Variants in COLEC11 observed in about 807,000 individuals in gnomAD.
The protein encoded by COLEC11 is collectin subfamily member 11, also known as collectin-11.
A neutral mutation model predicts 27.3 loss-of-function variants in COLEC11; 20 were observed. That is an observed-to-expected ratio of 0.73 (90% confidence interval 0.51 to 1.06). The LOEUF (loss-of-function observed/expected upper bound fraction) is 1.06. Ranked by LOEUF, COLEC11 falls within the 50% of genes least tolerant of loss-of-function variation. COLEC11 has a pLI of 0.00. For missense variants in COLEC11, 310 were observed against 383.0 expected (o/e 0.81, Z 1.59); for synonymous variants, 163 against 154.7 (o/e 1.05, Z -0.40).
At chr2:3,621,757 T>TA (rs1319348282) in intron 3 of COLEC11, among the ~76,000 whole-genome samples, 1 of 152,258 alleles carries the variant, frequency 6.6e-6, no homozygotes, top group Non-Finnish European at 1.5e-5. Flanking sequence ...ATTTTATAGT[T>TA]ATAACAGTCT....
rs1662291730 is a variant in COLEC11 at position 3,602,332 on chromosome 2, G to A, written c.-26-1983G>A. Reference sequence around the variant, plus strand: ...AGGAGTCTATAGTGTCTCAGACTCGGAAAGTTGAACCCGAGCCCCTGACTT... The same window carrying A: ...AGGAGTCTATAGTGTCTCAGACTCGAAAAGTTGAACCCGAGCCCCTGACTT... On this transcript the variant is annotated intron_variant, in intron 1 of 6. Coordinates refer to ENST00000349077, the MANE Select transcript of COLEC11 (RefSeq NM_024027.5). This position sits in a 1 kb window ranked among gnomAD's most constrained non-coding sequence, Gnocchi z 6.2. Among the ~76,000 whole-genome samples, 1 of 152,126 alleles carries A rather than the reference G, an allele frequency of 6.6e-6. No homozygotes were observed. The highest frequency in any genetic ancestry group is 6.5e-5 in the Admixed American group (1 of 15,282).
At chr2:3,603,923 C>T (rs1662428167) in intron 1 of COLEC11, 1 of 579,578 alleles carries the variant, frequency 1.7e-6, no homozygotes, top group Non-Finnish European at 3.1e-6. Flanking sequence ...GTATCTCAGC[C>T]TCCCTCCGCT....
chr2:3,627,432 TG>T (rs1664640001), intron 3 of COLEC11, among the ~76,000 whole-genome samples: 1 of 144,418 alleles, frequency 6.9e-6, no homozygotes, highest in Admixed American at 6.9e-5. Context: ...ATGAGCATGA[TG>T]GGGTGGATCT....
intron 3 of COLEC11, among the ~76,000 whole-genome samples, chr2:3,614,003 G>A (rs1293626372): frequency 8.0e-6 from 1 of 125,634 alleles, no homozygotes; most frequent in African/African-American, 3.3e-5. Flanking sequence ...TTGAGACTGA[G>A]TCTTGCTCTG....
intron 2 of COLEC11, chr2:3,604,864 G>C (rs1032417338): frequency 8.1e-6 from 3 of 372,340 alleles, no homozygotes; most frequent in Middle Eastern, 9.2e-4. Context: ...AGTTCCCAAA[G>C]TGTGCTTCTA....
chr2:3,605,214 G>A (rs1662551697), intron 2 of COLEC11: 2 of 423,528 alleles, frequency 4.7e-6, no homozygotes, highest in African/African-American at 4.1e-5. Context: ...ACAGCAGAGT[G>A]TGTGCCAGTG....
chr2:3,612,231 TGCACCCAC>T (rs932171438), intron 2 of COLEC11, among the ~76,000 whole-genome samples: 19 of 145,064 alleles, frequency 1.3e-4, no homozygotes, highest in South Asian at 6.2e-4. Context: ...CGCACACACA[TGCACCCAC>T]GCACCCACGC....
intron 3 of COLEC11, among the ~76,000 whole-genome samples, chr2:3,616,947 A>G (rs1278993316): frequency 1.3e-5 from 2 of 152,164 alleles, no homozygotes; most frequent in East Asian, 1.9e-4. Flanking sequence ...TATATGTGCC[A>G]TGTTTTCTTT....
chr2:3,600,228 C>CG (rs1662122660), intron 1 of COLEC11, among the ~76,000 whole-genome samples: 1 of 133,342 alleles, frequency 7.5e-6, no homozygotes, highest in Non-Finnish European at 1.6e-5. Flanking sequence ...GTGCGAGACT[C>CG]TGTCTCAAAA....
At chr2:3,603,045 G>C (rs535983436) in intron 1 of COLEC11, among the ~76,000 whole-genome samples, 3 of 152,372 alleles carry the variant, frequency 2.0e-5, no homozygotes, top group African/African-American at 2.4e-5. Flanking sequence ...GTTTCTGAAC[G>C]AATGATTAAC....
chr2:3,622,506 A>G (rs1316201819), intron 3 of COLEC11, among the ~76,000 whole-genome samples: 1 of 152,228 alleles, frequency 6.6e-6, no homozygotes, highest in African/African-American at 2.4e-5. Context: ...ACTCACGTTG[A>G]AACTTGATCT....
At chr2:3,612,937 G>A (rs1050354947) in intron 2 of COLEC11, among the ~76,000 whole-genome samples, 5 of 150,424 alleles carry the variant, frequency 3.3e-5, no homozygotes, top group Non-Finnish European at 5.9e-5. Context: ...TCGGGGTGAC[G>A]CTTCCCATGG....
rs1173197398 is a variant in COLEC11, at chr2:3,605,029, G to A, written c.130+559G>A. The stretch of plus-strand genomic sequence containing the variant: ...GGATAGAGATAGTTCTGCAGGTGAG[G>A]CATGGGTGAGAAAGTCCCTGAGGCT... On this transcript the variant is annotated intron_variant, in intron 2 of 6. Transcript: ENST00000349077. 7 of 470,826 alleles carry A rather than the reference G, an allele frequency of 1.5e-5. No homozygotes were observed. The East Asian group carries it at 4.9e-4, about 33-fold the overall frequency. The allele number at this position is 470,826 out of a possible 1,614,324, so 29.2% of individuals were successfully genotyped here.
At chr2:3,632,793 C>T (rs1241071528) in intron 3 of COLEC11, among the ~76,000 whole-genome samples, 1 of 152,086 alleles carries the variant, frequency 6.6e-6, no homozygotes, top group African/African-American at 2.4e-5. Flanking sequence ...GAGCAGAATC[C>T]CGGGACCCCC....
At chr2:3,609,080 G>A (rs1256215888) in intron 2 of COLEC11, among the ~76,000 whole-genome samples, 1 of 152,240 alleles carries the variant, frequency 6.6e-6, no homozygotes, top group Non-Finnish European at 1.5e-5. Context: ...AGCACTGGCT[G>A]AAATGCGCCT....
intron 5 of COLEC11, 60 bp from the exon 6 acceptor site, chr2:3,643,384 C>T: frequency 1.4e-6 from 2 of 1,416,406 alleles, no homozygotes; most frequent in Non-Finnish European, 2.0e-6. Context: ...GGGTCCTCGC[C>T]TCTCTTCTGA....
intron 3 of COLEC11, among the ~76,000 whole-genome samples, chr2:3,624,177 G>A (rs1252831250): frequency 6.6e-6 from 1 of 152,132 alleles, no homozygotes; most frequent in Non-Finnish European, 1.5e-5. Flanking sequence ...TCAAGTTCTT[G>A]TGCCTTCTCC....
intron 1 of COLEC11, chr2:3,603,510 T>G: frequency 2.6e-6 from 2 of 755,188 alleles, no homozygotes. Flanking sequence ...AGACATGCGG[T>G]TTCACCATGT....
intron 3 of COLEC11, among the ~76,000 whole-genome samples, chr2:3,619,197 CCTTT>C (rs1004068643): frequency 6.6e-6 from 1 of 151,110 alleles, no homozygotes. Flanking sequence ...CCTTTCTCTT[CCTTT>C]CTTTCTCTCT....
Sources: allele counts gnomAD v4.1 joint callset (sites outside exome capture counted in the v4.1 genomes callset), GRCh38; gene constraint gnomAD v4.1.1; non-coding constraint Gnocchi (gnomAD v3.1); transcripts MANE v1.5; gene names NCBI Gene and HGNC (gene_info 2026-07-23, HGNC 2026-07-21).